The following WDR33 variants were observed in gnomAD, a reference collection of about 807,000 sequenced individuals.
WDR33 encodes the protein WD repeat domain 33, also known as pre-mRNA 3' end processing protein WDR33.
WDR33 carries 47 observed loss-of-function variants against 164.9 expected under a neutral mutation model. The observed-to-expected ratio is 0.29, with a 90% CI of 0.23 to 0.36. The LOEUF is 0.36. Among genes scored for constraint, WDR33 ranks in the 10% least tolerant of loss-of-function variants. WDR33 has a pLI of 1.00. For missense variants in WDR33, 1,137 were observed against 1,754.1 expected (o/e 0.65, Z 6.28); for synonymous variants, 505 against 589.0 (o/e 0.86, Z 2.06).
intron 7 of WDR33, among the ~76,000 whole-genome samples, chr2:127,740,722 G>C (rs1250692152): frequency 6.6e-6 from 1 of 152,176 alleles, no homozygotes. Flanking sequence ...TCAGGAAAGA[G>C]GTAAGGAAGA....
Position 127,702,359 on chromosome 2 carries a change from C to A in WDR33, c.*3964G>T. On this transcript the variant is annotated 3_prime_UTR_variant, in exon 22 of 22. Coordinates refer to ENST00000322313, the MANE Select transcript of WDR33 (RefSeq NM_018383.5). ...GGAGGCGACAGCAGCGTTGGGAGCT[C>A]CTCGATGTCAGCTTTTTGTGCTGGA... 2.1e-6 allele frequency: 1 copy of A among 471,664 alleles called. No individual in the cohort carries two copies. The highest frequency in any genetic ancestry group is 3.3e-6 in the Non-Finnish European group (1 of 303,586). The allele number at this position is 471,664 out of a possible 1,614,324, so 29.2% of individuals were successfully genotyped here. A position where few individuals can be genotyped will look rare whatever the true frequency, so the allele number is the denominator to read the frequency against.
At position 127,706,340 on chromosome 2, in the gene WDR33, C is replaced by G. The variant is rs1686009058; in HGVS notation, c.3994G>C (p.Gly1332Arg). 1.3e-6 allele frequency: 2 copies of G among 1,575,042 alleles called. No individual in the cohort carries two copies. Among genetic ancestry groups the G allele is most frequent in the Admixed American group, 3.6e-5 (2 of 55,078 alleles). Residue 1332 changes from glycine to arginine, a missense_variant, in exon 22 of 22, where the codon GGT (glycine) becomes CGT (arginine). This residue lies in a region of WDR33 where 867 missense variants were observed against 1,073.0 expected (regional missense o/e 0.81). Coordinates refer to ENST00000322313, the MANE Select transcript of WDR33 (RefSeq NM_018383.5). The surrounding 1 kb of genome is among the most constrained non-coding windows in gnomAD (Gnocchi z 5.1). ...TCCAGCTTCTACCGACCCCTTCCAC[C>G]ACCCCGTGAAGCTCCTCGCCTCGGC... Reference protein sequence around the residue: ...GPPRRGASRGGGRGR With the variant: ...GPPRRGASRGRGRGR
At chr2:127,750,185 C>A (rs1357325125) in intron 7 of WDR33, among the ~76,000 whole-genome samples, 2 of 152,034 alleles carry the variant, frequency 1.3e-5, no homozygotes, top group Admixed American at 1.3e-4. Context: ...CCACCACACC[C>A]AGTTAACTTT....
rs1185485090 is a variant in WDR33, at chr2:127,775,328, A to G, written c.-23-4324T>C. Among the ~76,000 whole-genome samples, 8 of 152,302 alleles carry G rather than the reference A, an allele frequency of 5.3e-5. No individual in the cohort carries two copies. In the East Asian group the frequency reaches 5.8e-4, roughly 11 times the overall value. On this transcript the variant is annotated intron_variant, in intron 1 of 21. Transcript: ENST00000322313. ...CTCTGCCTCCCAAGTAGCTGGGACT[A>G]TAAGTGCACTCCACCACTTCCAGCT...
intron 7 of WDR33, among the ~76,000 whole-genome samples, chr2:127,759,052 G>C (rs1241322713): frequency 1.3e-5 from 2 of 152,090 alleles, no homozygotes; most frequent in African/African-American, 4.8e-5. Flanking sequence ...GAAGCTAGGG[G>C]AAATTTCTTT....
intron 1 of WDR33, among the ~76,000 whole-genome samples, chr2:127,799,774 G>A (rs902637427): frequency 3.3e-5 from 5 of 152,150 alleles, no homozygotes; most frequent in African/African-American, 9.7e-5. Flanking sequence ...CCAGCTACTC[G>A]AACCACCTCC....
At position 127,723,434 on chromosome 2, in the gene WDR33, C is replaced by G. The variant is rs1686488508; in HGVS notation, c.1197-87G>C. 1 of 1,031,840 alleles carries G rather than the reference C, an allele frequency of 9.7e-7. No homozygotes were observed. The highest frequency in any genetic ancestry group is 1.5e-6 in the Non-Finnish European group (1 of 687,528). The allele number at this position is 1,031,840 out of a possible 1,614,324, so 63.9% of individuals were successfully genotyped here. A position where few individuals can be genotyped will look rare whatever the true frequency, so the allele number is the denominator to read the frequency against. ...GTACTAGGCAGACCCTTGGTAAACA[C>G]AACACATTTTTACAATTTGTTTCTT... On this transcript the variant is annotated intron_variant, in intron 11 of 21. Transcript: ENST00000322313. The surrounding 1 kb of genome is among the most constrained non-coding windows in gnomAD (Gnocchi z 5.9).
In WDR33 at chr2:127,709,158, G is replaced by A. The variant is rs1047504055; in HGVS notation, c.3566-266C>T. On this transcript the variant is annotated intron_variant, in intron 20 of 21. Coordinates refer to ENST00000322313, the MANE Select transcript of WDR33 (RefSeq NM_018383.5). This position sits in a 1 kb window ranked among gnomAD's most constrained non-coding sequence, Gnocchi z 5.0. ...TTACTGAGGACTCCTAAGAGATTTT[G>A]TTAATGAGAGTTGTAACTGCGAATA... 2.0e-5 allele frequency among the ~76,000 whole-genome samples: 3 copies of A among 152,210 alleles called. No homozygotes were observed. The highest frequency in any genetic ancestry group is 7.2e-5 in the African/African-American group (3 of 41,456).
chr2:127,702,447 T>A lies in WDR33; in HGVS notation c.*3876A>T, dbSNP rs1451583730. The A allele has an allele frequency of 1.2e-5, 3 of 257,200 alleles. No homozygotes were observed. The highest frequency in any genetic ancestry group is 2.3e-5 in the Non-Finnish European group (3 of 127,784). The allele number at this position is 257,200 out of a possible 1,614,324, so 15.9% of individuals were successfully genotyped here. A position where few individuals can be genotyped will look rare whatever the true frequency, so the allele number is the denominator to read the frequency against. ...AACTGGTGACAGGATGTGAGACGGTTATTAGAAGTTGCTTTCGAAGTAACT... is the reference window on the plus strand; with the variant it reads ...AACTGGTGACAGGATGTGAGACGGTAATTAGAAGTTGCTTTCGAAGTAACT... On this transcript the variant is annotated 3_prime_UTR_variant, in exon 22 of 22. Coordinates refer to ENST00000322313, the MANE Select transcript of WDR33 (RefSeq NM_018383.5).
intron 1 of WDR33, among the ~76,000 whole-genome samples, chr2:127,780,606 G>A (rs1386278181): frequency 6.6e-6 from 1 of 152,166 alleles, no homozygotes; most frequent in African/African-American, 2.4e-5. Context: ...GCTCATGACT[G>A]TAACCCCAGC....
In WDR33 at chr2:127,701,465, A is replaced by G. The variant is rs1048211; in HGVS notation, c.*4858T>C. 369,141 of 1,235,710 alleles carry G rather than the reference A, an allele frequency of 0.3. 58,357 individuals are homozygous for G. Among genetic ancestry groups the G allele is most frequent in the African/African-American group, 0.52 (33,424 of 63,930 alleles). 76.5% of individuals were successfully genotyped at this position (1,235,710 alleles called of 1,614,324 possible). ...CGACCAATTGCCGCCCGAAGACCGA[A>G]CCGCTTCAGCGGAGGGCCGGAAGTG... On this transcript the variant is annotated 3_prime_UTR_variant, in exon 22 of 22. Transcript: ENST00000322313.
rs1308175395 is a variant in WDR33, at chr2:127,721,551, T to A, written c.1671+285A>T. Among the ~76,000 whole-genome samples, 1 of 152,148 alleles carries A rather than the reference T, an allele frequency of 6.6e-6. No homozygotes were observed. Among genetic ancestry groups the A allele is most frequent in the Non-Finnish European group, 1.5e-5 (1 of 68,028 alleles). Reference sequence around the variant, plus strand: ...TCACTTGAGCCTGGGAGGCAGAGGTTGTAGCAAGCCGTGATCGCACCACTG... The same window carrying A: ...TCACTTGAGCCTGGGAGGCAGAGGTAGTAGCAAGCCGTGATCGCACCACTG... On this transcript the variant is annotated intron_variant, in intron 15 of 21. Coordinates refer to ENST00000322313, the MANE Select transcript of WDR33 (RefSeq NM_018383.5). The surrounding 1 kb of genome is among the most constrained non-coding windows in gnomAD (Gnocchi z 4.9).
At chr2:127,766,493 A>C (rs2105438024) in intron 4 of WDR33, among the ~76,000 whole-genome samples, 1 of 152,274 alleles carries the variant, frequency 6.6e-6, no homozygotes, top group Admixed American at 6.5e-5. Context: ...AACTGTAGAC[A>C]CAGAGCCCAC....
At chr2:127,779,736 G>T (rs775209438) in intron 1 of WDR33, among the ~76,000 whole-genome samples, 2 of 152,132 alleles carry the variant, frequency 1.3e-5, no homozygotes, top group Non-Finnish European at 2.9e-5. Flanking sequence ...ATCACATATA[G>T]CATCTGTCCA....
Position 127,762,396 on chromosome 2 carries a change from T to C in WDR33, c.724+666A>G, listed in dbSNP as rs548744585. On this transcript the variant is annotated intron_variant, in intron 7 of 21. Coordinates refer to ENST00000322313, the MANE Select transcript of WDR33 (RefSeq NM_018383.5). The stretch of plus-strand genomic sequence containing the variant: ...CACCACTGAATTCACGTAACTCACA[T>C]TGATGTACTGTTAATATTTCAACAG... 9 of 563,454 alleles carry C rather than the reference T, an allele frequency of 1.6e-5. No homozygotes were observed. In the East Asian group the frequency reaches 8.7e-4, roughly 54 times the overall value. The allele number at this position is 563,454 out of a possible 1,614,324, so 34.9% of individuals were successfully genotyped here.
rs199666371 is a variant in WDR33, at chr2:127,713,681, G to A, written c.3210C>T (p.Ala1070=). ...CTTCCCATGCCCCCGGAGGGCCTCGGGCTGCACCCCGGCCATCCCCCTCGC... is the reference window on the plus strand; with the variant it reads ...CTTCCCATGCCCCCGGAGGGCCTCGAGCTGCACCCCGGCCATCCCCCTCGC... The part of the protein sequence containing the change: ...EFSEGDGRGA[A]RGPPGAWEGR... The change falls in exon 18 of 22, where the codon GCC becomes GCT. Residue 1070 remains alanine, a synonymous_variant. Coordinates refer to ENST00000322313, the MANE Select transcript of WDR33 (RefSeq NM_018383.5). The surrounding 1 kb of genome is among the most constrained non-coding windows in gnomAD (Gnocchi z 6.2). 3.9e-5 allele frequency: 63 copies of A among 1,614,096 alleles called. No individual in the cohort carries two copies. The highest frequency in any genetic ancestry group is 5.1e-5 in the Non-Finnish European group (60 of 1,180,036).
Position 127,731,316 on chromosome 2 carries a change from A to C in WDR33, c.725-4539T>G, listed in dbSNP as rs867755288. ...CCTCAAAAAAAAAAAAAAAAAAAAA[A>C]AACACAGAAAAGCAAAAATTAAATT... On this transcript the variant is annotated intron_variant, in intron 7 of 21. Transcript: ENST00000322313. Among the ~76,000 whole-genome samples, 212 of 150,086 alleles carry C rather than the reference A, an allele frequency of 1.4e-3. 1 individual carries two copies. Among genetic ancestry groups the C allele is most frequent in the Admixed American group, 2.0e-3 (30 of 15,124 alleles).
chr2:127,745,743 A>G (rs776432717), intron 7 of WDR33, among the ~76,000 whole-genome samples: 14 of 152,206 alleles, frequency 9.2e-5, no homozygotes, highest in Non-Finnish European at 1.6e-4. Flanking sequence ...AAGTGGAAAG[A>G]ATGCTCCAAG....
chr2:127,726,925 G>A lies in WDR33; in HGVS notation c.725-148C>T. The A allele has an allele frequency of 9.8e-7, 1 of 1,015,338 alleles. No individual in the cohort carries two copies. 62.9% of individuals were successfully genotyped at this position (1,015,338 alleles called of 1,614,324 possible). A position where few individuals can be genotyped will look rare whatever the true frequency, so the allele number is the denominator to read the frequency against. On this transcript the variant is annotated intron_variant, in intron 7 of 21. Coordinates refer to ENST00000322313, the MANE Select transcript of WDR33 (RefSeq NM_018383.5). This position sits in a 1 kb window ranked among gnomAD's most constrained non-coding sequence, Gnocchi z 4.8. ...TGTGAAGACTCTTTGGCCTCTGTGTGTCTGGAAATTTTTCAGATACAGTAT... is the reference window on the plus strand; with the variant it reads ...TGTGAAGACTCTTTGGCCTCTGTGTATCTGGAAATTTTTCAGATACAGTAT...
Sources: gnomAD v4.1 joint callset for allele counts (sites outside exome capture counted in the v4.1 genomes callset) on GRCh38, gnomAD v4.1.1 for gene constraint, gnomAD v4.1.1 regional missense constraint, Gnocchi (gnomAD v3.1) non-coding constraint, MANE v1.5 for transcripts, NCBI Gene and HGNC (gene_info 2026-07-23, HGNC 2026-07-21) for gene names.